Variants in SH3KBP1 observed in about 807,000 individuals in gnomAD.
The protein encoded by SH3KBP1 is SH3 domain containing kinase binding protein 1.
In SH3KBP1, 8 loss-of-function variants were observed where a neutral mutation model predicts 50.1. That is an observed-to-expected ratio of 0.16 (90% confidence interval 0.09 to 0.29). The LOEUF (loss-of-function observed/expected upper bound fraction) is 0.29, where lower values mean the gene tolerates loss of function less well. Among genes scored for constraint, SH3KBP1 ranks in the 10% least tolerant of loss-of-function variants. The probability of loss-of-function intolerance (pLI) is 1.00; values close to 1 mark genes in which losing one functional copy is unlikely to be tolerated. For synonymous variants in SH3KBP1, 227 were observed against 218.6 expected (o/e 1.04, Z -0.34); for missense variants, 377 against 535.2 (o/e 0.70, Z 2.92).
chrX:19,736,964 T>G (rs1302711848), intron 3 of SH3KBP1, among the ~76,000 whole-genome samples: 1 of 105,606 alleles, frequency 9.5e-6, no homozygotes, highest in Non-Finnish European at 2.0e-5. Flanking sequence ...TGGAGTGCAG[T>G]GGTGCGATTT....
intron 3 of SH3KBP1, 100 bp from the exon 4 acceptor site, chrX:19,707,084 C>G: frequency 1.5e-6 from 1 of 682,357 alleles, no homozygotes; most frequent in Non-Finnish European, 2.4e-6. Flanking sequence ...GCTGACTTGT[C>G]TCAAATATGC....
At position 19,673,023 on chromosome X, in the gene SH3KBP1, G is replaced by A. The variant is rs1005817576; in HGVS notation, c.726+10800C>T. Reference sequence around the variant, plus strand: ...GGAGGTTGCAGTGAGCCGAGATGGCGCCACTGCACTCCAGCCTGGGCAACA... The same window carrying A: ...GGAGGTTGCAGTGAGCCGAGATGGCACCACTGCACTCCAGCCTGGGCAACA... On this transcript the variant is annotated intron_variant, in intron 6 of 17. Transcript: ENST00000397821. 1.8e-4 allele frequency among the ~76,000 whole-genome samples: 17 copies of A among 95,135 alleles called. 1 individual carries two copies. Among genetic ancestry groups the A allele is most frequent in the African/African-American group, 6.9e-4 (17 of 24,541 alleles). The allele number at this position is 95,135 out of a possible 115,157, so 82.6% of individuals were successfully genotyped here.
intron 2 of SH3KBP1, among the ~76,000 whole-genome samples, chrX:19,770,581 T>C (rs759230689): frequency 8.9e-6 from 1 of 112,104 alleles, no homozygotes; most frequent in Non-Finnish European, 1.9e-5. Flanking sequence ...CTGGGTCGAA[T>C]GGTAGTTCTG....
chrX:19,658,348 C>T (rs2062348367), intron 6 of SH3KBP1, among the ~76,000 whole-genome samples: 1 of 111,886 alleles, frequency 8.9e-6, no homozygotes, highest in African/African-American at 3.3e-5. Flanking sequence ...AGATAACCTA[C>T]TGCTTCCATA....
chrX:19,648,535 G>A (rs1464379294), intron 6 of SH3KBP1, among the ~76,000 whole-genome samples: 1 of 111,338 alleles, frequency 9.0e-6, no homozygotes, highest in African/African-American at 3.3e-5. Context: ...GCTGTATCTA[G>A]CCTCTCTGGG....
At chrX:19,886,308 T>G (rs1369421350) in intron 1 of SH3KBP1, among the ~76,000 whole-genome samples, 1 of 112,102 alleles carries the variant, frequency 8.9e-6, no homozygotes, top group Non-Finnish European at 1.9e-5. Flanking sequence ...CTCACTTTAT[T>G]ATGATTTATT....
At chrX:19,661,299 T>C (rs1226367409) in intron 6 of SH3KBP1, among the ~76,000 whole-genome samples, 1 of 112,228 alleles carries the variant, frequency 8.9e-6, no homozygotes, top group Non-Finnish European at 1.9e-5. Context: ...CCTCTATGTA[T>C]CTAGAGCCTT....
chrX:19,710,911 T>C (rs965724150), intron 3 of SH3KBP1, among the ~76,000 whole-genome samples: 4 of 111,607 alleles, frequency 3.6e-5, no homozygotes, highest in Non-Finnish European at 5.6e-5. Context: ...TTTGTGACCA[T>C]TTACTGTTTA....
intron 12 of SH3KBP1, among the ~76,000 whole-genome samples, chrX:19,572,263 T>C (rs1602513131): frequency 9.4e-6 from 1 of 106,792 alleles, no homozygotes; most frequent in East Asian, 2.8e-4. Context: ...ACATATATGT[T>C]ATATAGAGTA....
At chrX:19,848,869 G>A (rs1846414763) in intron 1 of SH3KBP1, among the ~76,000 whole-genome samples, 1 of 111,490 alleles carries the variant, frequency 9.0e-6, no homozygotes, top group African/African-American at 3.3e-5. Flanking sequence ...GAACTCCTGG[G>A]CTCAAATGAT....
chrX:19,542,199 A>G lies in SH3KBP1; in HGVS notation c.1624-6T>C, dbSNP rs750853672. ...GATGCTTTGTTGTCAGACACCTGTG[A>G]CGAGGGAAGGCAGGGAGGGTTCAGG... On this transcript the variant is annotated splice_polypyrimidine_tract_variant and splice_region_variant and intron_variant, in intron 15 of 17. Transcript: ENST00000397821. The G allele has an allele frequency of 5.4e-5, 63 of 1,162,929 alleles. No homozygotes were observed. The highest frequency in any genetic ancestry group is 6.6e-5 in the Non-Finnish European group (58 of 872,463).
chrX:19,865,099 C>T (rs762572143), intron 1 of SH3KBP1, among the ~76,000 whole-genome samples: 4 of 112,392 alleles, frequency 3.6e-5, no homozygotes, highest in Non-Finnish European at 5.6e-5. Flanking sequence ...TGAAGGTGGG[C>T]AAGAATGGGG....
At chrX:19,807,780 T>C (rs1424148324) in intron 2 of SH3KBP1, among the ~76,000 whole-genome samples, 2 of 112,300 alleles carry the variant, frequency 1.8e-5, no homozygotes, top group East Asian at 5.6e-4. Context: ...GTTTTGATCG[T>C]TGCAGCAGCT....
chrX:19,644,519 A>G (rs1240157034), intron 7 of SH3KBP1, among the ~76,000 whole-genome samples: 1 of 111,756 alleles, frequency 8.9e-6, no homozygotes, highest in African/African-American at 3.3e-5. Context: ...TTAAAAAGAA[A>G]ATATTTTAAA....
chrX:19,876,340 A>G (rs1416023330), intron 1 of SH3KBP1, among the ~76,000 whole-genome samples: 1 of 112,014 alleles, frequency 8.9e-6, no homozygotes, highest in Non-Finnish European at 1.9e-5. Flanking sequence ...CAGGCTGGGC[A>G]ACAGAGTGAG....
chrX:19,548,386 A>G (rs927868929), intron 14 of SH3KBP1, among the ~76,000 whole-genome samples: 5 of 111,576 alleles, frequency 4.5e-5, no homozygotes, highest in Non-Finnish European at 9.4e-5. Flanking sequence ...GTAGGATTGA[A>G]AAACAAAATA....
chrX:19,878,867 A>C (rs1217365501), intron 1 of SH3KBP1, among the ~76,000 whole-genome samples: 1 of 112,776 alleles, frequency 8.9e-6, no homozygotes, highest in Non-Finnish European at 1.9e-5. Context: ...GCATAAAATT[A>C]ATAATGTACC....
chrX:19,823,735 T>C (rs1157444998), intron 2 of SH3KBP1, among the ~76,000 whole-genome samples: 5 of 112,564 alleles, frequency 4.4e-5, no homozygotes, highest in African/African-American at 9.7e-5. Context: ...TTGCTAGAAA[T>C]TGTGCCTATC....
Position 19,862,320 on chromosome X carries a change from C to A in SH3KBP1, c.4+24987G>T, listed in dbSNP as rs767409411. Reference sequence around the variant, plus strand: ...CAGTCCTCTTCTATTAGGGCATAAACAAGATAAATTTTTTCCTCGAAAATT... The same window carrying A: ...CAGTCCTCTTCTATTAGGGCATAAAAAAGATAAATTTTTTCCTCGAAAATT... On this transcript the variant is annotated intron_variant, in intron 1 of 17. Transcript: ENST00000397821. 6.2e-5 allele frequency among the ~76,000 whole-genome samples: 7 copies of A among 112,262 alleles called. No homozygotes were observed. In the South Asian group the frequency reaches 1.5e-3, roughly 24 times the overall value.
Sources: gnomAD v4.1 joint callset for allele counts (sites outside exome capture counted in the v4.1 genomes callset) on GRCh38, gnomAD v4.1.1 for gene constraint, MANE v1.5 for transcripts, NCBI Gene and HGNC (gene_info 2026-07-23, HGNC 2026-07-21) for gene names.